CMC4: variants seen among roughly 807,000 people sequenced by gnomAD.
CMC4 encodes the protein C-X9-C motif containing 4.
Under a neutral mutation model 5.1 loss-of-function variants are expected in CMC4, and 4 were observed. The observed-to-expected ratio is 0.78, with a 90% CI of 0.38 to 1.78. The LOEUF (loss-of-function observed/expected upper bound fraction) is 1.78. CMC4 is among the 40% of genes most tolerant of loss of function. The pLI is 0.04. For missense variants in CMC4, 52 were observed against 51.3 expected (o/e 1.01, Z -0.04); for synonymous variants, 23 against 18.9 (o/e 1.22, Z -0.57).
In CMC4 at chrX:155,061,962, C is replaced by T; in HGVS notation, c.88G>A (p.Ala30Thr). Residue 30 changes from alanine (A) to threonine (T), a missense_variant, in exon 3 of 3, where the codon GCT becomes ACT. Transcript: ENST00000369484. ...ANSYMESKCQ[A>T]VIQELRKCCA... is the part of the protein sequence containing the mutation. Reference sequence around the variant, plus strand: ...CACTTACGCAGTTCTTGGATGACAGCCTGACACTTTGATTCCATGTAGCTG... The same window carrying T: ...CACTTACGCAGTTCTTGGATGACAGTCTGACACTTTGATTCCATGTAGCTG... 1 of 1,208,965 alleles carries T rather than the reference C, an allele frequency of 8.3e-7. No homozygotes were observed. Among genetic ancestry groups the T allele is most frequent in the Middle Eastern group, 2.3e-4 (1 of 4,353 alleles).
rs868919252 is a variant in CMC4 at position 155,064,020 on chromosome X, G to A, written c.4C>T (p.Pro2Ser). The A allele has an allele frequency of 1.3e-5, 15 of 1,187,790 alleles. No homozygotes were observed. The highest frequency in any genetic ancestry group is 1.6e-5 in the Non-Finnish European group (14 of 887,214). The change falls in exon 2 of 3, where the codon CCG becomes TCG. Residue 2 changes from proline (P) to serine (S), a missense_variant. Transcript: ENST00000369484. M[P>S]QKDPCQKQAC... is the part of the protein sequence containing the mutation. Reference sequence around the variant, plus strand: ...TGCTTCTGGCACGGATCCTTCTGCGGCATATCCAGAAAACTAAAACAAGAA... The same window carrying A: ...TGCTTCTGGCACGGATCCTTCTGCGACATATCCAGAAAACTAAAACAAGAA...
intron 1 of CMC4, among the ~76,000 whole-genome samples, chrX:155,067,858 T>C (rs1422987378): frequency 8.9e-6 from 1 of 112,033 alleles, no homozygotes; most frequent in African/African-American, 3.3e-5. Context: ...GTGGTTGTCA[T>C]GATTGGCTAT....
Position 155,063,906 on chromosome X carries a change from G to T in CMC4, c.58+60C>A, listed in dbSNP as rs782586588. ...AGTTAATACAGATAAAAGAATAATTGGTCTCTTATAGTTAGTTCACAGTGG... is the reference window on the plus strand; with the variant it reads ...AGTTAATACAGATAAAAGAATAATTTGTCTCTTATAGTTAGTTCACAGTGG... On this transcript the variant is annotated intron_variant, in intron 2 of 2. Coordinates refer to ENST00000369484, the MANE Select transcript of CMC4 (RefSeq NM_001018024.3). 6 of 851,364 alleles carry T rather than the reference G, an allele frequency of 7.0e-6. No individual in the cohort carries two copies. The Admixed American group carries it at 2.0e-4, about 28-fold the overall frequency. 70.2% of individuals were successfully genotyped at this position (851,364 alleles called of 1,213,427 possible).
chrX:155,065,969 C>A (rs2073946744), intron 1 of CMC4: 1 of 1,210,231 alleles, frequency 8.3e-7, no homozygotes, highest in African/African-American at 1.7e-5. Flanking sequence ...CTTGGTGAAC[C>A]CAGAGGTGAT....
At position 155,061,930 on chromosome X, in the gene CMC4, A is replaced by G. The variant is rs782306658; in HGVS notation, c.120T>C (p.Ala40=). The part of the protein sequence containing the change: ...AVIQELRKCC[A]QYPKGRSVVC... ...CGACAGATCTTCCCTTGGGATACTG[A>G]GCACAACACTTACGCAGTTCTTGGA... Residue 40 remains alanine (A), a synonymous_variant, in exon 3 of 3, where the codon GCT becomes GCC. Coordinates refer to ENST00000369484, the MANE Select transcript of CMC4 (RefSeq NM_001018024.3). 3.2e-5 allele frequency: 39 copies of G among 1,209,817 alleles called. No individual in the cohort carries two copies. The South Asian group carries it at 6.3e-4, about 20-fold the overall frequency.
chrX:155,070,624 CAG>C (rs1349657534), intron 1 of CMC4, 68 bp downstream of exon 1: 1 of 112,611 alleles, frequency 8.9e-6, no homozygotes, highest in Non-Finnish European at 1.9e-5. Flanking sequence ...TAGAAAGTAG[CAG>C]CAGCCAAGCT....
chrX:155,066,811 T>C (rs1473907207), intron 1 of CMC4, among the ~76,000 whole-genome samples: 1 of 111,715 alleles, frequency 9.0e-6, no homozygotes, highest in Non-Finnish European at 1.9e-5. Context: ...AGCCCATTTT[T>C]CCATAGAGGA....
chrX:155,068,228 A>G (rs1444253163), intron 1 of CMC4, among the ~76,000 whole-genome samples: 1 of 112,416 alleles, frequency 8.9e-6, no homozygotes, highest in African/African-American at 3.2e-5. Context: ...CATTGGTTAT[A>G]TTGACATTAA....
At position 155,062,120 on chromosome X, in the gene CMC4, A is replaced by G. The variant is rs782086652; in HGVS notation, c.59-129T>C. On this transcript the variant is annotated intron_variant, in intron 2 of 2. Transcript: ENST00000369484. ...AACTGGAAGAAAGAAGATATACCAA[A>G]GTCCACTGAATTCTTTCTAATTTAG... 1.5e-5 allele frequency: 9 copies of G among 617,494 alleles called. No individual in the cohort carries two copies. The South Asian group carries it at 5.7e-4, about 39-fold the overall frequency. The allele number at this position is 617,494 out of a possible 1,213,427, so 50.9% of individuals were successfully genotyped here.
chrX:155,068,634 A>T (rs1160621958), intron 1 of CMC4, among the ~76,000 whole-genome samples: 1 of 112,399 alleles, frequency 8.9e-6, no homozygotes, highest in African/African-American at 3.2e-5. Flanking sequence ...ATTCTTAGAA[A>T]ACTTGCTCCC....
intron 2 of CMC4, 115 bp downstream of exon 2, chrX:155,063,851 A>G: frequency 1.8e-6 from 1 of 558,821 alleles, no homozygotes; most frequent in African/African-American, 2.4e-5. Context: ...TCTTCAGGAT[A>G]ATTACATATA....
intron 1 of CMC4, among the ~76,000 whole-genome samples, chrX:155,069,156 C>A (rs2073959850): frequency 1.8e-5 from 2 of 112,736 alleles, no homozygotes; most frequent in South Asian, 3.6e-4. Context: ...ATCATTTTTC[C>A]TTTACAGAAT....
chrX:155,067,841 C>A (rs961589757), intron 1 of CMC4, among the ~76,000 whole-genome samples: 1 of 111,712 alleles, frequency 9.0e-6, no homozygotes, highest in Non-Finnish European at 1.9e-5. Context: ...AACAAAGGAA[C>A]GCCACAGTGG....
intron 1 of CMC4, among the ~76,000 whole-genome samples, chrX:155,069,473 T>G (rs1336745892): frequency 1.8e-5 from 2 of 112,147 alleles, no homozygotes; most frequent in African/African-American, 6.5e-5. Flanking sequence ...ATTTCCTATA[T>G]GTTTACATAT....
At chrX:155,069,920 AT>A (rs1195799022) in intron 1 of CMC4, among the ~76,000 whole-genome samples, 1 of 112,536 alleles carries the variant, frequency 8.9e-6, no homozygotes, top group Non-Finnish European at 1.9e-5. Context: ...TTCCTGCTCC[AT>A]GAGGACGGGG....
At chrX:155,066,295 G>A (rs1557292019) in intron 1 of CMC4, among the ~76,000 whole-genome samples, 2 of 112,709 alleles carry the variant, frequency 1.8e-5, no homozygotes, top group African/African-American at 6.5e-5. Context: ...TTGGCTAGGT[G>A]AGGAGTTCTG....
rs1199158723 is a variant in CMC4 at position 155,071,070 on chromosome X, C to A, written c.-387G>T. On this transcript the variant is annotated 5_prime_UTR_variant, in exon 1 of 3. Coordinates refer to ENST00000369484, the MANE Select transcript of CMC4 (RefSeq NM_001018024.3). Reference sequence around the variant, plus strand: ...GCCGCGCACGGGTCTCCTTAGCGGGCGGGCAAAATGGGCGCCGGTACTCGG... The same window carrying A: ...GCCGCGCACGGGTCTCCTTAGCGGGAGGGCAAAATGGGCGCCGGTACTCGG... 1.8e-5 allele frequency: 2 copies of A among 112,005 alleles called. No homozygotes were observed. The highest frequency in any genetic ancestry group is 3.8e-5 in the Non-Finnish European group (2 of 52,802). The allele number at this position is 112,005 out of a possible 1,213,427, so 9.2% of individuals were successfully genotyped here. A position where few individuals can be genotyped will look rare whatever the true frequency, so the allele number is the denominator to read the frequency against.
chrX:155,062,366 C>G (rs1460062271), intron 2 of CMC4, among the ~76,000 whole-genome samples: 2 of 111,995 alleles, frequency 1.8e-5, no homozygotes, highest in Non-Finnish European at 1.9e-5. Context: ...TGTTGGACCT[C>G]CCCTACTAAG....
chrX:155,062,306 A>G (rs1301686379), intron 2 of CMC4, among the ~76,000 whole-genome samples: 1 of 112,372 alleles, frequency 8.9e-6, no homozygotes, highest in Non-Finnish European at 1.9e-5. Context: ...TTGATGAATT[A>G]GGAAAATGCA....
Sources: allele counts gnomAD v4.1 joint callset (sites outside exome capture counted in the v4.1 genomes callset), GRCh38; gene constraint gnomAD v4.1.1; transcripts MANE v1.5; gene names NCBI Gene and HGNC (gene_info 2026-07-23, HGNC 2026-07-21).